The following MYO1E variants were observed in gnomAD, a reference collection of about 807,000 sequenced individuals.
MYO1E encodes unconventional myosin-Ie.
MYO1E carries 68 observed loss-of-function variants against 151.1 expected under a neutral mutation model. That is an observed-to-expected ratio of 0.45 (90% confidence interval 0.37 to 0.55). MYO1E has a LOEUF of 0.55. Among genes scored for constraint, MYO1E ranks in the 20% least tolerant of loss-of-function variants. The pLI, the probability that MYO1E is intolerant of heterozygous loss-of-function variation, is 0.00. For missense variants in MYO1E, 1,363 were observed against 1,389.3 expected (o/e 0.98, Z 0.30); for synonymous variants, 601 against 501.7 (o/e 1.20, Z -2.64).
At chr15:59,284,654 T>C (rs2140392192) in intron 1 of MYO1E, among the ~76,000 whole-genome samples, 1 of 151,592 alleles carries the variant, frequency 6.6e-6, no homozygotes, top group East Asian at 1.9e-4. Context: ...TTTTTTTTTT[T>C]TGTAGAGACA....
chr15:59,345,094 G>A (rs1287209019), intron 1 of MYO1E, among the ~76,000 whole-genome samples: 2 of 152,126 alleles, frequency 1.3e-5, no homozygotes, highest in African/African-American at 4.8e-5. Context: ...CGGGTAGACA[G>A]AAGAGCCACT....
chr15:59,195,116 G>C (rs541696269), intron 17 of MYO1E, among the ~76,000 whole-genome samples: 1 of 152,208 alleles, frequency 6.6e-6, no homozygotes, highest in South Asian at 2.1e-4. Flanking sequence ...CCCGATCAGG[G>C]GCTGGGTGGA....
At chr15:59,321,190 G>A (rs1283963094) in intron 1 of MYO1E, among the ~76,000 whole-genome samples, 1 of 152,216 alleles carries the variant, frequency 6.6e-6, no homozygotes, top group East Asian at 1.9e-4. Flanking sequence ...AACAGATGGT[G>A]GTAAGGCTGA....
intron 17 of MYO1E, among the ~76,000 whole-genome samples, chr15:59,194,562 G>A (rs1184553940): frequency 6.6e-6 from 1 of 152,174 alleles, no homozygotes; most frequent in Admixed American, 6.5e-5. Context: ...ACCTAAAAGA[G>A]CCTACCTTCT....
At chr15:59,327,342 T>G (rs1453198173) in intron 1 of MYO1E, among the ~76,000 whole-genome samples, 3 of 150,780 alleles carry the variant, frequency 2.0e-5, no homozygotes, top group African/African-American at 7.3e-5. Context: ...TTTTTTTATT[T>G]CAGAGATGGG....
At chr15:59,201,233 G>C (rs1329704140) in intron 16 of MYO1E, among the ~76,000 whole-genome samples, 5 of 151,562 alleles carry the variant, frequency 3.3e-5, no homozygotes, top group African/African-American at 9.7e-5. Context: ...AAGTAGCTGA[G>C]AGCATAAGAT....
rs2080030734 is a variant in MYO1E, at chr15:59,231,894, A to AG, written c.421-104dup. The AG allele has an allele frequency of 2.0e-5, 25 of 1,238,464 alleles. No homozygotes were observed. In the South Asian group the frequency reaches 3.1e-4, roughly 15 times the overall value. The allele number at this position is 1,238,464 out of a possible 1,614,324, so 76.7% of individuals were successfully genotyped here. ...CCTGGTTTCTGAATGCATTAAGGTG[A>AG]GGGGCCCCACACCCGTGTGTCACTG... On this transcript the variant is annotated intron_variant, in intron 5 of 27. Transcript: ENST00000288235.
chr15:59,276,053 C>T (rs1390680986), intron 1 of MYO1E, among the ~76,000 whole-genome samples: 1 of 152,180 alleles, frequency 6.6e-6, no homozygotes, highest in African/African-American at 2.4e-5. Flanking sequence ...AAGACACAAA[C>T]TACCGCCCTA....
At position 59,234,229 on chromosome 15, in the gene MYO1E, GATGGATGGATGGATGGGTGC is replaced by G. The variant is rs1428468223; in HGVS notation, c.420+2336_420+2355del. On this transcript the variant is annotated intron_variant, in intron 5 of 27. Transcript: ENST00000288235. ...CTGATCACTGATGGATGGATGGATG[GATGGATGGATGGATGGGTGC>G]ATGGATGGATGGGTGCATGGATGGA... Among the ~76,000 whole-genome samples, 861 of 101,618 alleles carry G rather than the reference GATGGATGGATGGATGGGTGC, an allele frequency of 8.5e-3. 25 individuals are homozygous for G. Among genetic ancestry groups the G allele is most frequent in the Admixed American group, 0.079 (692 of 8,764 alleles). 66.7% of individuals were successfully genotyped at this position (101,618 alleles called of 152,430 possible).
chr15:59,332,325 G>A (rs571014473), intron 1 of MYO1E, among the ~76,000 whole-genome samples: 3 of 152,256 alleles, frequency 2.0e-5, no homozygotes, highest in South Asian at 4.1e-4. Flanking sequence ...GAATGCTGCC[G>A]ATTTAACGGG....
Position 59,172,229 on chromosome 15 carries a change from C to T in MYO1E, c.2335-187G>A, listed in dbSNP as rs62004106. The stretch of plus-strand genomic sequence containing the variant: ...AAAATTAGCTGGGTGTGGTGGTGGG[C>T]GCCTGCAATCCCAGCTACTTGGGAG... On this transcript the variant is annotated intron_variant, in intron 21 of 27. Transcript: ENST00000288235. 0.029 allele frequency among the ~76,000 whole-genome samples: 4,374 copies of T among 152,184 alleles called. 89 individuals carry two copies. The highest frequency in any genetic ancestry group is 0.045 in the Middle Eastern group (13 of 292).
In MYO1E at chr15:59,208,591, C is replaced by T. The variant is rs558926458; in HGVS notation, c.1530+90G>A. On this transcript the variant is annotated intron_variant, in intron 14 of 27. Coordinates refer to ENST00000288235, the MANE Select transcript of MYO1E (RefSeq NM_004998.4). ...TTCCGTTTGTTGAATCAATAAAATA[C>T]GGCGAGCCATATGATTTGCTTCATG... is the stretch of plus-strand genomic sequence containing the variant. 1,791 of 1,466,922 alleles carry T rather than the reference C, an allele frequency of 1.2e-3. 1 individual carries two copies. Among genetic ancestry groups the T allele is most frequent in the Non-Finnish European group, 1.6e-3 (1,719 of 1,048,238 alleles). 90.9% of individuals were successfully genotyped at this position (1,466,922 alleles called of 1,614,324 possible). A position where few individuals can be genotyped will look rare whatever the true frequency, so the allele number is the denominator to read the frequency against.
chr15:59,187,325 C>G (rs2079704520), intron 18 of MYO1E, among the ~76,000 whole-genome samples: 1 of 152,184 alleles, frequency 6.6e-6, no homozygotes, highest in Non-Finnish European at 1.5e-5. Context: ...AAATGGCTAA[C>G]AGGCACATGA....
At chr15:59,190,255 G>T (rs1384455194) in intron 17 of MYO1E, among the ~76,000 whole-genome samples, 1 of 152,202 alleles carries the variant, frequency 6.6e-6, no homozygotes, top group Non-Finnish European at 1.5e-5. Flanking sequence ...GGAATGTCAG[G>T]ATTGTGCTGC....
At chr15:59,305,112 C>T (rs556038379) in intron 1 of MYO1E, among the ~76,000 whole-genome samples, 2 of 152,312 alleles carry the variant, frequency 1.3e-5, no homozygotes, top group Non-Finnish European at 2.9e-5. Context: ...TCAGGGCTTG[C>T]TTTTTTCTTT....
intron 18 of MYO1E, among the ~76,000 whole-genome samples, chr15:59,186,543 A>T (rs1157129077): frequency 6.6e-6 from 1 of 152,098 alleles, no homozygotes; most frequent in Non-Finnish European, 1.5e-5. Context: ...AGGTGGGAGG[A>T]TCACTTGAGA....
chr15:59,163,316 T>A lies in MYO1E; in HGVS notation c.2481-13A>T, dbSNP rs2079548208. 1 of 1,611,914 alleles carries A rather than the reference T, an allele frequency of 6.2e-7. No homozygotes were observed. On this transcript the variant is annotated splice_polypyrimidine_tract_variant and intron_variant, in intron 22 of 27. Transcript: ENST00000288235. ...ATCCTGCATAGTACTGTAAAGAGAT[T>A]GGACAAACACACTTGGTGAAAGCTG...
intron 7 of MYO1E, among the ~76,000 whole-genome samples, chr15:59,227,101 T>A (rs1278876377): frequency 6.6e-6 from 1 of 152,198 alleles, no homozygotes; most frequent in Non-Finnish European, 1.5e-5. Flanking sequence ...TCTTCCCTCA[T>A]CAATCCCCTC....
chr15:59,361,486 T>C (rs2080885089), intron 1 of MYO1E, among the ~76,000 whole-genome samples: 1 of 152,128 alleles, frequency 6.6e-6, no homozygotes, highest in Admixed American at 6.5e-5. Flanking sequence ...AGATCCAAAA[T>C]TGACCATACT....
Sources: allele counts gnomAD v4.1 joint callset (sites outside exome capture counted in the v4.1 genomes callset), GRCh38; gene constraint gnomAD v4.1.1; transcripts MANE v1.5; gene names NCBI Gene and HGNC (gene_info 2026-07-23, HGNC 2026-07-21).